The following FAM89A variants were observed in gnomAD, a reference collection of about 807,000 sequenced individuals.
FAM89A encodes the protein family with sequence similarity 89 member A.
Under a neutral mutation model 7.1 loss-of-function variants are expected in FAM89A, and 10 were observed. The observed-to-expected ratio is 1.40, with a 90% CI of 0.86 to 2.38. FAM89A has a LOEUF of 2.38. FAM89A is among the 30% of genes most tolerant of loss of function. FAM89A has a pLI of 0.00. For synonymous variants in FAM89A, 157 were observed against 129.3 expected, an observed-to-expected ratio of 1.21 and a Z score of -1.45; for missense variants, 276 against 262.8, an observed-to-expected ratio of 1.05 and a Z score of -0.35.
At chr1:231,033,904 C>T (rs1422935330) in intron 1 of FAM89A, among the ~76,000 whole-genome samples, 2 of 152,184 alleles carry the variant, frequency 1.3e-5, no homozygotes, top group Non-Finnish European at 2.9e-5. Context: ...ACTGCCCTTA[C>T]TGTCCCCCAC....
intron 1 of FAM89A, among the ~76,000 whole-genome samples, chr1:231,025,594 T>G (rs1370319542): frequency 6.6e-6 from 1 of 152,070 alleles, no homozygotes; most frequent in Non-Finnish European, 1.5e-5. Flanking sequence ...ACACCACTGC[T>G]TGCTCTTTTT....
chr1:231,034,361 T>C (rs1680124055), intron 1 of FAM89A, among the ~76,000 whole-genome samples: 1 of 152,154 alleles, frequency 6.6e-6, no homozygotes, highest in Non-Finnish European at 1.5e-5. Context: ...CAATAAGAGA[T>C]TTTAGCCCAA....
rs1449056827 is a variant in FAM89A, at chr1:231,040,123, C to T, written c.89G>A (p.Ser30Asn). 5 of 1,391,348 alleles carry T rather than the reference C, an allele frequency of 3.6e-6. No homozygotes were observed. The highest frequency in any genetic ancestry group is 4.7e-6 in the Non-Finnish European group (5 of 1,068,148). The allele number at this position is 1,391,348 out of a possible 1,614,324, so 86.2% of individuals were successfully genotyped here. A position where few individuals can be genotyped will look rare whatever the true frequency, so the allele number is the denominator to read the frequency against. Residue 30 changes from serine to asparagine, a missense_variant, in exon 1 of 2, where the codon AGC becomes AAC. Physicochemically the swap from Ser to Asn is conservative, Grantham distance 46 (BLOSUM62 1). Transcript: ENST00000366654. ...CGCCGAGTGCAGCAGCCCGCTCAAG[C>T]TCTTTGGCAGCGGGGGCAGCCCGTC... ...RVDGLPPLPKSLSGLLHSASG... is the reference protein window; with the variant it reads ...RVDGLPPLPKNLSGLLHSASG...
At chr1:231,020,840 A>C (rs115739503) in intron 1 of FAM89A, among the ~76,000 whole-genome samples, 2,624 of 152,350 alleles carry the variant, frequency 0.017, 67 homozygotes, top group African/African-American at 0.059. Context: ...CATTTATAAA[A>C]GTCATATACT....
At chr1:231,029,462 A>G (rs1311753399) in intron 1 of FAM89A, among the ~76,000 whole-genome samples, 1 of 152,104 alleles carries the variant, frequency 6.6e-6, no homozygotes, top group Admixed American at 6.5e-5. Flanking sequence ...ACTGCACTCC[A>G]ATCTGGGCAA....
At position 231,038,952 on chromosome 1, in the gene FAM89A, C is replaced by T. The variant is rs190737466; in HGVS notation, c.291+969G>A. 6.2e-4 allele frequency among the ~76,000 whole-genome samples: 95 copies of T among 152,246 alleles called. 1 individual carries two copies. The highest frequency in any genetic ancestry group is 2.9e-5 in the Non-Finnish European group (2 of 68,030). On this transcript the variant is annotated intron_variant, in intron 1 of 1. Transcript: ENST00000366654. ...ATTTACCTATAGGGAAAGGAGACAACCTGGACGAGGTGAATGGAAAGGGAG... is the reference window on the plus strand; with the variant it reads ...ATTTACCTATAGGGAAAGGAGACAATCTGGACGAGGTGAATGGAAAGGGAG...
intron 1 of FAM89A, among the ~76,000 whole-genome samples, chr1:231,034,910 C>T (rs767537153): frequency 3.9e-5 from 6 of 152,068 alleles, no homozygotes; most frequent in African/African-American, 1.2e-4. Context: ...CTTTGGGGAT[C>T]GCTGTGCTAG....
chr1:231,039,887 C>A, intron 1 of FAM89A, 34 bp downstream of exon 1: 1 of 1,285,060 alleles, frequency 7.8e-7, no homozygotes, highest in South Asian at 2.4e-5. Flanking sequence ...CGAGCCCGGC[C>A]GGGAAGAGCC....
chr1:231,032,376 GC>G (rs1457013490), intron 1 of FAM89A, among the ~76,000 whole-genome samples: 21 of 40,418 alleles, frequency 5.2e-4, no homozygotes, highest in African/African-American at 1.9e-3. Flanking sequence ...ACCCCACCCC[GC>G]CCCCGCCAGC....
chr1:231,038,377 T>C (rs936031642), intron 1 of FAM89A, among the ~76,000 whole-genome samples: 7 of 152,226 alleles, frequency 4.6e-5, no homozygotes, highest in African/African-American at 1.7e-4. Flanking sequence ...CTCCAGAGCA[T>C]GTTTATAAAC....
At chr1:231,033,876 C>T (rs1316398583) in intron 1 of FAM89A, among the ~76,000 whole-genome samples, 1 of 152,088 alleles carries the variant, frequency 6.6e-6, no homozygotes, top group East Asian at 1.9e-4. Context: ...GTGAATGAAG[C>T]CAGGCAATGA....
intron 1 of FAM89A, among the ~76,000 whole-genome samples, chr1:231,023,137 C>G (rs1462405624): frequency 1.3e-5 from 2 of 152,184 alleles, no homozygotes; most frequent in Non-Finnish European, 2.9e-5. Context: ...CCGCTCAGTT[C>G]CAGCCTTTTG....
chr1:231,034,662 C>T (rs1185995046), intron 1 of FAM89A, among the ~76,000 whole-genome samples: 1 of 150,748 alleles, frequency 6.6e-6, no homozygotes, highest in Non-Finnish European at 1.5e-5. Flanking sequence ...ATCCCAGCTA[C>T]TCAGGAGGCT....
At chr1:231,030,761 T>C (rs1680053283) in intron 1 of FAM89A, among the ~76,000 whole-genome samples, 1 of 152,160 alleles carries the variant, frequency 6.6e-6, no homozygotes, top group South Asian at 2.1e-4. Flanking sequence ...AGCTTTGGTT[T>C]ATGTGGGTTA....
At chr1:231,024,249 A>C (rs139672476) in intron 1 of FAM89A, among the ~76,000 whole-genome samples, 2 of 152,100 alleles carry the variant, frequency 1.3e-5, no homozygotes, top group Non-Finnish European at 2.9e-5. Context: ...AAAAGCACAC[A>C]GAAAGTGTCA....
intron 1 of FAM89A, among the ~76,000 whole-genome samples, chr1:231,023,657 G>A (rs913614383): frequency 6.6e-6 from 1 of 152,174 alleles, no homozygotes; most frequent in African/African-American, 2.4e-5. Flanking sequence ...AAAGAAAATT[G>A]TTTTATTCTT....
rs748638767 is a variant in FAM89A at position 231,020,149 on chromosome 1, T to TA, written c.292-24dup. The TA allele has an allele frequency of 1.8e-5, 29 of 1,571,446 alleles. No homozygotes were observed. In the South Asian group the frequency reaches 1.9e-4, roughly 10 times the overall value. Reference sequence around the variant, plus strand: ...AACCTTGAGGGAAGGGGTGGGGAGGTAAAAAACGAGAAGTCAGCACTTGAG... The same window carrying TA: ...AACCTTGAGGGAAGGGGTGGGGAGGTAAAAAAACGAGAAGTCAGCACTTGAG... On this transcript the variant is annotated intron_variant, in intron 1 of 1. Transcript: ENST00000366654.
chr1:231,021,386 G>A lies in FAM89A; in HGVS notation c.292-1260C>T, dbSNP rs574241663. The stretch of plus-strand genomic sequence containing the variant: ...ATGCATGGGTACAGCTCTCCTGGGC[G>A]GCTGGAGAAGGAGCTTCTTCTCTGG... On this transcript the variant is annotated intron_variant, in intron 1 of 1. Coordinates refer to ENST00000366654, the MANE Select transcript of FAM89A (RefSeq NM_198552.3). Among the ~76,000 whole-genome samples, 11 of 149,382 alleles carry A rather than the reference G, an allele frequency of 7.4e-5. No homozygotes were observed. The South Asian group carries it at 1.9e-3, about 26-fold the overall frequency.
intron 1 of FAM89A, among the ~76,000 whole-genome samples, chr1:231,032,870 T>G (rs1680098720): frequency 6.6e-6 from 1 of 152,102 alleles, no homozygotes. Context: ...TCTCCCCAGA[T>G]CCCTCCACTG....
Sources: allele counts gnomAD v4.1 joint callset (sites outside exome capture counted in the v4.1 genomes callset), GRCh38; gene constraint gnomAD v4.1.1; transcripts MANE v1.5; gene names NCBI Gene and HGNC (gene_info 2026-07-23, HGNC 2026-07-21).